Variants in RASSF8 observed in about 807,000 individuals in gnomAD.
RASSF8 encodes the protein ras association domain-containing protein 8.
RASSF8 carries 22 observed loss-of-function variants against 48.5 expected under a neutral mutation model. The ratio of observed to expected loss-of-function variants is 0.45; its 90% confidence interval spans 0.32 to 0.65. The LOEUF is 0.65. Among genes scored for constraint, RASSF8 ranks in the 30% least tolerant of loss-of-function variants. The pLI is 0.03. For missense variants in RASSF8, 418 were observed against 489.2 expected (o/e 0.85, Z 1.37); for synonymous variants, 127 against 171.5 (o/e 0.74, Z 2.03).
At chr12:26,009,316 A>G (rs1333411371) in intron 2 of RASSF8, among the ~76,000 whole-genome samples, 1 of 152,236 alleles carries the variant, frequency 6.6e-6, no homozygotes, top group African/African-American at 2.4e-5. Context: ...ACAGGAGCAC[A>G]GACCTTATTT....
chr12:26,014,763 C>T (rs1942607272), intron 2 of RASSF8, among the ~76,000 whole-genome samples: 1 of 151,976 alleles, frequency 6.6e-6, no homozygotes, highest in Non-Finnish European at 1.5e-5. Flanking sequence ...AAATGCTAAT[C>T]CTTTGAGAAT....
chr12:26,022,802 C>T (rs776411273), intron 2 of RASSF8, among the ~76,000 whole-genome samples: 6 of 151,830 alleles, frequency 4.0e-5, no homozygotes, highest in Non-Finnish European at 7.4e-5. Context: ...AGTGCAATGG[C>T]GCGATCTCGG....
At chr12:25,963,893 C>G (rs894749305) in intron 1 of RASSF8, among the ~76,000 whole-genome samples, 6 of 152,180 alleles carry the variant, frequency 3.9e-5, no homozygotes, top group African/African-American at 1.4e-4. Context: ...GAAAATTGTT[C>G]CTTTTGTTCC....
Position 26,065,204 on chromosome 12 carries a change from T to C in RASSF8, c.810T>C (p.Ser270=). 2.5e-6 allele frequency: 4 copies of C among 1,613,960 alleles called. No homozygotes were observed. The highest frequency in any genetic ancestry group is 3.4e-6 in the Non-Finnish European group (4 of 1,179,978). ...DYLAQIRTME[S]GLEAEKLQRE... ...TGGCACAGATCCGGACTATGGAAAG[T>C]GGTCTTGAAGCAGAAAAATTGCAAC... The change falls in exon 4 of 6, where the codon AGT becomes AGC. Residue 270 remains serine, a synonymous_variant. Transcript: ENST00000689635.
intron 1 of RASSF8, among the ~76,000 whole-genome samples, chr12:25,976,782 G>A (rs896167240): frequency 2.0e-5 from 3 of 152,124 alleles, no homozygotes; most frequent in Non-Finnish European, 2.9e-5. Context: ...ACAACTTGGA[G>A]TCACGACCCT....
intron 2 of RASSF8, among the ~76,000 whole-genome samples, chr12:25,997,973 A>G (rs970747609): frequency 2.0e-5 from 3 of 152,226 alleles, no homozygotes; most frequent in African/African-American, 7.2e-5. Context: ...ATCGCAAACT[A>G]GTTATTTCAG....
At chr12:25,979,799 G>A (rs934394537) in intron 1 of RASSF8, among the ~76,000 whole-genome samples, 1 of 152,118 alleles carries the variant, frequency 6.6e-6, no homozygotes, top group Non-Finnish European at 1.5e-5. Flanking sequence ...TTGGTGCTGT[G>A]TAAGTGTTGG....
At chr12:26,058,787 A>G (rs893965330) in intron 3 of RASSF8, among the ~76,000 whole-genome samples, 2 of 152,240 alleles carry the variant, frequency 1.3e-5, no homozygotes, top group African/African-American at 4.8e-5. Context: ...TGTTGAATCT[A>G]TAGGAAGAAA....
At chr12:25,988,605 C>T (rs1941943322) in intron 1 of RASSF8, among the ~76,000 whole-genome samples, 1 of 152,138 alleles carries the variant, frequency 6.6e-6, no homozygotes, top group Admixed American at 6.5e-5. Flanking sequence ...TCCCTCATGA[C>T]TAAACAATCA....
At chr12:26,019,164 T>C (rs888406056) in intron 2 of RASSF8, among the ~76,000 whole-genome samples, 1 of 152,218 alleles carries the variant, frequency 6.6e-6, no homozygotes, top group African/African-American at 2.4e-5. Context: ...CAGAGTATAC[T>C]CTATTGCGCT....
At chr12:25,997,515 T>C (rs1465588977) in intron 2 of RASSF8, among the ~76,000 whole-genome samples, 1 of 152,148 alleles carries the variant, frequency 6.6e-6, no homozygotes, top group Non-Finnish European at 1.5e-5. Flanking sequence ...CCCATGTAGA[T>C]TTAATGGAAT....
chr12:25,993,565 C>T (rs1942062655), intron 1 of RASSF8, among the ~76,000 whole-genome samples: 1 of 152,198 alleles, frequency 6.6e-6, no homozygotes, highest in African/African-American at 2.4e-5. Context: ...AGTTGTTAGT[C>T]TATTTAGCCT....
At chr12:25,987,167 C>T (rs1186360049) in intron 1 of RASSF8, among the ~76,000 whole-genome samples, 1 of 152,300 alleles carries the variant, frequency 6.6e-6, no homozygotes, top group East Asian at 1.9e-4. Flanking sequence ...CTCCCAACCT[C>T]AGGTGATCCA....
At chr12:26,064,361 A>T in intron 3 of RASSF8, 137 bp from the exon 4 acceptor site, 1 of 788,824 alleles carries the variant, frequency 1.3e-6, no homozygotes, top group Non-Finnish European at 1.9e-6. Flanking sequence ...TAAAGGTTTT[A>T]AAGGAACCTG....
chr12:25,988,160 C>T (rs1008392222), intron 1 of RASSF8, among the ~76,000 whole-genome samples: 1 of 151,784 alleles, frequency 6.6e-6, no homozygotes, highest in East Asian at 1.9e-4. Flanking sequence ...CACGCCTGGT[C>T]GAAATTAATG....
rs1943820291 is a variant in RASSF8, at chr12:26,064,533, A to G, written c.139A>G (p.Arg47Gly). The G allele has an allele frequency of 6.2e-7, 1 of 1,603,852 alleles. No individual in the cohort carries two copies. The highest frequency in any genetic ancestry group is 1.3e-5 in the African/African-American group (1 of 74,596). The change falls in exon 4 of 6, where the codon AGA becomes GGA. Residue 47 changes from arginine (R) to glycine (G), a missense_variant. Coordinates refer to ENST00000689635, the MANE Select transcript of RASSF8 (RefSeq NM_001394098.1). ...TGRYTLIEKW[R>G]DTERHLAPHE... ...AAGGTACACCCTTATAGAGAAATGGAGAGATACTGAAAGACACTTAGCACC... is the reference window on the plus strand; with the variant it reads ...AAGGTACACCCTTATAGAGAAATGGGGAGATACTGAAAGACACTTAGCACC...
At chr12:26,076,177 A>T (rs1479304814), downstream of RASSF8, among the ~76,000 whole-genome samples, 1 of 152,030 alleles carries the variant, frequency 6.6e-6, no homozygotes, top group Non-Finnish European at 1.5e-5. Context: ...ATTCTTGCAA[A>T]TAGTGCAGTC....
chr12:25,988,053 A>G (rs1193044295), intron 1 of RASSF8, among the ~76,000 whole-genome samples: 2 of 151,090 alleles, frequency 1.3e-5, no homozygotes, highest in Admixed American at 1.3e-4. Context: ...AGTAGAGACA[A>G]GGTTTCACCA....
chr12:26,046,355 G>A (rs1156504971), intron 2 of RASSF8, among the ~76,000 whole-genome samples: 2 of 152,180 alleles, frequency 1.3e-5, no homozygotes, highest in Non-Finnish European at 2.9e-5. Context: ...GTGGTTCTGA[G>A]TGTTAGATTT....
Sources: allele counts gnomAD v4.1 joint callset (sites outside exome capture counted in the v4.1 genomes callset), GRCh38; gene constraint gnomAD v4.1.1; transcripts MANE v1.5; gene names NCBI Gene and HGNC (gene_info 2026-07-23, HGNC 2026-07-21).